The following RELN variants were observed in gnomAD, a reference collection of about 807,000 sequenced individuals.
The protein encoded by RELN is reelin.
A neutral mutation model predicts 427.6 loss-of-function variants in RELN; 108 were observed. The observed-to-expected ratio is 0.25, with a 90% CI of 0.22 to 0.30. The LOEUF is 0.30. Ranked by LOEUF, RELN falls within the 10% of genes least tolerant of loss-of-function variation. RELN has a pLI of 1.00. For missense variants in RELN, 3,715 were observed against 4,302.8 expected, an observed-to-expected ratio of 0.86 and a Z score of 3.82; for synonymous variants, 1,524 against 1,513.4, an observed-to-expected ratio of 1.01 and a Z score of -0.16.
At position 103,542,840 on chromosome 7, in the gene RELN, C is replaced by T. The variant is rs757955126; in HGVS notation, c.6562G>A (p.Gly2188Arg). 2.5e-6 allele frequency: 4 copies of T among 1,614,098 alleles called. 1 individual carries two copies. The change falls in exon 43 of 65, where the codon GGG becomes AGG. Residue 2188 changes from glycine (G) to arginine (R), a missense_variant. Gly to Arg is a moderately radical substitution (Grantham distance 125). Coordinates refer to ENST00000428762, the MANE Select transcript of RELN (RefSeq NM_005045.4). ...ESDRFLLMSG[G>R]KPSRKCGILS... is the part of the protein sequence containing the mutation. The stretch of plus-strand genomic sequence containing the variant: ...ATTCCACACTTTCGAGATGGTTTCC[C>T]ACCACTCATTAATAAGAATCTATCA...
chr7:103,635,726 A>T lies in RELN; in HGVS notation c.2304-140T>A, dbSNP rs117802576. On this transcript the variant is annotated intron_variant, in intron 18 of 64. Transcript: ENST00000428762. ...GTTAAGTAATTTCATTGTTAGATAT[A>T]TGAATATGTGTAGATATTTATGTAC... 1,174 of 692,618 alleles carry T rather than the reference A, an allele frequency of 1.7e-3. 18 individuals carry two copies. The highest frequency in any genetic ancestry group is 0.012 in the East Asian group (457 of 37,002). The allele number at this position is 692,618 out of a possible 1,614,324, so 42.9% of individuals were successfully genotyped here. A position where few individuals can be genotyped will look rare whatever the true frequency, so the allele number is the denominator to read the frequency against.
At chr7:103,492,241 C>CA (rs1373562207) in intron 57 of RELN, among the ~76,000 whole-genome samples, 2 of 152,124 alleles carry the variant, frequency 1.3e-5, no homozygotes, top group Admixed American at 6.5e-5. Context: ...TTAAAAGTTA[C>CA]ATTTCTATGT....
At chr7:103,703,031 A>G (rs1834126064) in intron 8 of RELN, among the ~76,000 whole-genome samples, 1 of 152,174 alleles carries the variant, frequency 6.6e-6, no homozygotes, top group Non-Finnish European at 1.5e-5. Flanking sequence ...AAAGATGACC[A>G]AAAAGGCAAG....
intron 20 of RELN, among the ~76,000 whole-genome samples, chr7:103,618,576 T>C (rs1387162734): frequency 6.6e-6 from 1 of 152,248 alleles, no homozygotes; most frequent in Admixed American, 6.5e-5. Context: ...CATGTACTTC[T>C]CAGCATCTGT....
At chr7:103,677,405 TATAATAATA>T (rs370333905) in intron 11 of RELN, among the ~76,000 whole-genome samples, 30,777 of 134,232 alleles carry the variant, frequency 0.23, 3,554 homozygotes, top group Middle Eastern at 0.34. Context: ...GAACTTAAAG[TATAATAATA>T]ATAATAATAA....
At chr7:103,829,197 ATGT>A (rs2116396055) in intron 3 of RELN, among the ~76,000 whole-genome samples, 1 of 152,078 alleles carries the variant, frequency 6.6e-6, no homozygotes, top group African/African-American at 2.4e-5. Flanking sequence ...AATATTATTA[ATGT>A]TGTAGTTGTT....
chr7:103,480,501 A>G (rs1283612960), intron 63 of RELN, among the ~76,000 whole-genome samples: 2 of 152,240 alleles, frequency 1.3e-5, no homozygotes, highest in Admixed American at 6.5e-5. Context: ...TTGAAAGGGT[A>G]GAGTGGTGTA....
rs1746288935 is a variant in RELN, at chr7:103,909,711, A to AAAT, written c.337+7363_337+7364insATT. ...TAAATATATATATTTAATATATATA[A>AAAT]ATATATATTAAATATATTTTTTAAT... On this transcript the variant is annotated intron_variant, in intron 2 of 64. Transcript: ENST00000428762. 1.1e-4 allele frequency among the ~76,000 whole-genome samples: 4 copies of AAAT among 35,012 alleles called. 1 individual carries two copies. Among genetic ancestry groups the AAAT allele is most frequent in the African/African-American group, 6.1e-4 (4 of 6,554 alleles). 23.0% of individuals were successfully genotyped at this position (35,012 alleles called of 152,430 possible).
At chr7:103,589,562 A>T in intron 28 of RELN, 34 bp downstream of exon 28, 1 of 1,432,866 alleles carries the variant, frequency 7.0e-7, no homozygotes, top group Non-Finnish European at 9.9e-7. Context: ...TGTCTTTCTT[A>T]ATGGCCCAAA....
chr7:103,779,610 TAG>T (rs1247997423), intron 3 of RELN, among the ~76,000 whole-genome samples: 3 of 152,332 alleles, frequency 2.0e-5, no homozygotes, highest in East Asian at 3.9e-4. Context: ...AGTTTGAGTG[TAG>T]AGTCTTTGCT....
intron 1 of RELN, among the ~76,000 whole-genome samples, chr7:103,960,560 A>G (rs1440584063): frequency 6.6e-6 from 1 of 152,240 alleles, no homozygotes; most frequent in Non-Finnish European, 1.5e-5. Context: ...AACAGAAAAT[A>G]TCTGGCATAT....
intron 53 of RELN, among the ~76,000 whole-genome samples, chr7:103,500,026 G>A (rs59773217): frequency 6.6e-6 from 1 of 152,094 alleles, no homozygotes; most frequent in Admixed American, 6.5e-5. Flanking sequence ...ACAAATGACA[G>A]AACAGGTTTG....
At chr7:103,577,192 C>G (rs1318312502) in intron 28 of RELN, among the ~76,000 whole-genome samples, 1 of 152,122 alleles carries the variant, frequency 6.6e-6, no homozygotes, top group African/African-American at 2.4e-5. Flanking sequence ...AAAGACAGCT[C>G]CCTCTCCCCT....
intron 2 of RELN, among the ~76,000 whole-genome samples, chr7:103,907,231 CGTG>C (rs1005429616): frequency 6.6e-6 from 1 of 151,310 alleles, no homozygotes; most frequent in Non-Finnish European, 1.5e-5. Context: ...TCCTGGACAA[CGTG>C]GTGAAACCCC....
At chr7:103,907,780 T>A (rs57803286) in intron 2 of RELN, among the ~76,000 whole-genome samples, 4,060 of 88,840 alleles carry the variant, frequency 0.046, 185 homozygotes, top group African/African-American at 0.13. Flanking sequence ...TTTTCTTTTT[T>A]AAAAAAAAAC....
At chr7:103,959,435 T>A (rs2116785499) in intron 1 of RELN, among the ~76,000 whole-genome samples, 1 of 152,272 alleles carries the variant, frequency 6.6e-6, no homozygotes, top group Admixed American at 6.5e-5. Flanking sequence ...CCAGAAAGCA[T>A]CACATATGTG....
chr7:103,556,219 G>C (rs1830517032), intron 38 of RELN, among the ~76,000 whole-genome samples: 1 of 152,052 alleles, frequency 6.6e-6, no homozygotes, highest in Non-Finnish European at 1.5e-5. Flanking sequence ...ATGGCATTTT[G>C]CTATAGTATT....
At chr7:103,803,228 C>T (rs1031547421) in intron 3 of RELN, among the ~76,000 whole-genome samples, 6 of 152,092 alleles carry the variant, frequency 3.9e-5, no homozygotes, top group African/African-American at 7.2e-5. Flanking sequence ...ACGATTGCTG[C>T]GTCTTCACTT....
chr7:103,881,104 C>T (rs970444496), intron 2 of RELN, among the ~76,000 whole-genome samples: 3 of 152,146 alleles, frequency 2.0e-5, no homozygotes, highest in African/African-American at 7.2e-5. Flanking sequence ...ACTGTAGCTA[C>T]TGCTCTCTTT....
Sources: gnomAD v4.1 joint callset for allele counts (sites outside exome capture counted in the v4.1 genomes callset) on GRCh38, gnomAD v4.1.1 for gene constraint, MANE v1.5 for transcripts, NCBI Gene and HGNC (gene_info 2026-07-23, HGNC 2026-07-21) for gene names.